Variants in WDR33 observed in about 807,000 individuals in gnomAD.
WDR33 encodes the protein WD repeat domain 33, also known as pre-mRNA 3' end processing protein WDR33.
Under a neutral mutation model 164.9 loss-of-function variants are expected in WDR33, and 47 were observed. The observed-to-expected ratio is 0.29, with a 90% confidence interval of 0.23 to 0.36. The LOEUF is 0.36. WDR33 is among the 10% of genes least tolerant of loss of function. The pLI, the probability that WDR33 is intolerant of heterozygous loss-of-function variation, is 1.00. For synonymous variants in WDR33, 505 were observed against 589.0 expected (o/e 0.86, Z 2.06); for missense variants, 1,137 against 1,754.1 (o/e 0.65, Z 6.28).
chr2:127,810,049 T>G (rs1453693659), intron 1 of WDR33, among the ~76,000 whole-genome samples: 1 of 137,696 alleles, frequency 7.3e-6, no homozygotes, highest in Non-Finnish European at 1.5e-5. Flanking sequence ...AGGCTATATA[T>G]ACATACACAC....
At chr2:127,789,722 C>T (rs1688777061) in intron 1 of WDR33, among the ~76,000 whole-genome samples, 1 of 151,428 alleles carries the variant, frequency 6.6e-6, no homozygotes, top group Admixed American at 6.6e-5. Flanking sequence ...TTGTACTGTT[C>T]CAAACTTTAG....
chr2:127,774,610 A>C (rs1337633010), intron 1 of WDR33, among the ~76,000 whole-genome samples: 1 of 152,138 alleles, frequency 6.6e-6, no homozygotes, highest in African/African-American at 2.4e-5. Context: ...CTGGCGGATC[A>C]CAAGGTCAGG....
chr2:127,774,296 C>A (rs1271618321), intron 1 of WDR33, among the ~76,000 whole-genome samples: 1 of 151,788 alleles, frequency 6.6e-6, no homozygotes, highest in Non-Finnish European at 1.5e-5. Context: ...GGATGATCCG[C>A]CCGCCTCAGT....
Position 127,724,935 on chromosome 2 carries a change from A to C in WDR33, c.1037T>G (p.Leu346Arg). 6.2e-7 allele frequency: 1 copy of C among 1,614,236 alleles called. No homozygotes were observed. Among genetic ancestry groups the C allele is most frequent in the Non-Finnish European group, 8.5e-7 (1 of 1,180,044 alleles). ...ACCATCAGACCCTCCACTGGCAAAA[A>C]GTCCTTCATGAACAGGATGCCAGGC... The part of the protein sequence containing the change: ...AVAWHPVHEG[L>R]FASGGSDGSL... The change falls in exon 10 of 22, where the codon CTT becomes CGT. Residue 346 changes from leucine (L) to arginine (R), a missense_variant. By Grantham distance (102) the Leu-to-Arg change is moderately radical. Around this residue, in one of 9 missense-constraint regions of WDR33, gnomAD observed 83 missense variants for 189.2 expected, o/e 0.44. Coordinates refer to ENST00000322313, the MANE Select transcript of WDR33 (RefSeq NM_018383.5). The surrounding 1 kb of genome is among the most constrained non-coding windows in gnomAD (Gnocchi z 4.8).
chr2:127,701,155 A>AGACGCAGTGAGGCCATAAGACATTTCC lies in WDR33; in HGVS notation c.*5141_*5167dup, dbSNP rs1685867932. On this transcript the variant is annotated 3_prime_UTR_variant, in exon 22 of 22. Coordinates refer to ENST00000322313, the MANE Select transcript of WDR33 (RefSeq NM_018383.5). ...ACTAGCACAATATCACCGCCACGGTAGACGCAGTGAGGCCATAAGACATTT... is the reference window on the plus strand; with the variant it reads ...ACTAGCACAATATCACCGCCACGGTAGACGCAGTGAGGCCATAAGACATTTCCGACGCAGTGAGGCCATAAGACATTT... The AGACGCAGTGAGGCCATAAGACATTTCC allele has an allele frequency of 5.9e-6, 1 of 169,444 alleles. No homozygotes were observed. Among genetic ancestry groups the AGACGCAGTGAGGCCATAAGACATTTCC allele is most frequent in the East Asian group, 1.6e-4 (1 of 6,150 alleles). The allele number at this position is 169,444 out of a possible 1,614,324, so 10.5% of individuals were successfully genotyped here. A position where few individuals can be genotyped will look rare whatever the true frequency, so the allele number is the denominator to read the frequency against.
chr2:127,736,625 G>A (rs369470774), intron 7 of WDR33: 1 of 985,244 alleles, frequency 1.0e-6, no homozygotes, highest in African/African-American at 1.7e-5. Flanking sequence ...GACCAACAAA[G>A]GCTGACCTAA....
chr2:127,778,539 T>C (rs1409429105), intron 1 of WDR33, among the ~76,000 whole-genome samples: 1 of 151,844 alleles, frequency 6.6e-6, no homozygotes, highest in Non-Finnish European at 1.5e-5. Context: ...ACACATTCTG[T>C]TCTCAAGAGT....
chr2:127,737,335 AAG>A, intron 7 of WDR33: 1 of 985,410 alleles, frequency 1.0e-6, no homozygotes, highest in Non-Finnish European at 1.2e-6. Context: ...CGCTGTAAGA[AAG>A]AGTACTCTGA....
rs974683636 is a variant in WDR33 at position 127,710,701 on chromosome 2, G to A, written c.3309-845C>T. On this transcript the variant is annotated intron_variant, in intron 18 of 21. Transcript: ENST00000322313. This position sits in a 1 kb window ranked among gnomAD's most constrained non-coding sequence, Gnocchi z 4.4. Reference sequence around the variant, plus strand: ...GAAGAGAAAGTGACCTTCTGGCAGCGCTCACTGAGAGGCGGTGGCGCCACC... The same window carrying A: ...GAAGAGAAAGTGACCTTCTGGCAGCACTCACTGAGAGGCGGTGGCGCCACC... Among the ~76,000 whole-genome samples the A allele has an allele frequency of 1.2e-4, 18 of 152,148 alleles. No homozygotes were observed. The highest frequency in any genetic ancestry group is 2.4e-4 in the Non-Finnish European group (16 of 68,034).
chr2:127,807,011 ATTTT>A (rs10716015), intron 1 of WDR33, among the ~76,000 whole-genome samples: 1 of 149,564 alleles, frequency 6.7e-6, no homozygotes, highest in Admixed American at 6.7e-5. Flanking sequence ...CATGTTTGAA[ATTTT>A]TTTTTTTAAG....
Position 127,719,179 on chromosome 2 carries a change from T to C in WDR33, c.2760+86A>G. 1.5e-6 allele frequency: 2 copies of C among 1,316,436 alleles called. No homozygotes were observed. The highest frequency in any genetic ancestry group is 5.8e-5 in the South Asian group (2 of 34,294). The allele number at this position is 1,316,436 out of a possible 1,614,324, so 81.5% of individuals were successfully genotyped here. A position where few individuals can be genotyped will look rare whatever the true frequency, so the allele number is the denominator to read the frequency against. On this transcript the variant is annotated intron_variant, in intron 16 of 21. Transcript: ENST00000322313. The surrounding 1 kb of genome is among the most constrained non-coding windows in gnomAD (Gnocchi z 6.5). ...CTTGATAAGTATTTATATCCAGCTG[T>C]GACCATTTTCCACAATACTCAGCAG...
intron 1 of WDR33, among the ~76,000 whole-genome samples, chr2:127,780,780 T>C (rs1337213630): frequency 2.0e-5 from 3 of 152,190 alleles, no homozygotes; most frequent in Non-Finnish European, 4.4e-5. Context: ...GAGACTGCAG[T>C]GAGCCATGAT....
intron 7 of WDR33, among the ~76,000 whole-genome samples, chr2:127,751,596 A>G (rs1046071883): frequency 6.6e-6 from 1 of 152,024 alleles, no homozygotes; most frequent in African/African-American, 2.4e-5. Context: ...CTTAAAAAAG[A>G]TACAAATGGA....
Position 127,721,793 on chromosome 2 carries a change from C to T in WDR33, c.1671+43G>A. On this transcript the variant is annotated intron_variant, in intron 15 of 21. Transcript: ENST00000322313. This position sits in a 1 kb window ranked among gnomAD's most constrained non-coding sequence, Gnocchi z 4.9. ...TATCAATAAAAATGTCACCACTACCCTCTTAGATCATCTTGAATTCCCCCC... is the reference window on the plus strand; with the variant it reads ...TATCAATAAAAATGTCACCACTACCTTCTTAGATCATCTTGAATTCCCCCC... 1 of 1,573,614 alleles carries T rather than the reference C, an allele frequency of 6.4e-7. No homozygotes were observed. The highest frequency in any genetic ancestry group is 8.6e-7 in the Non-Finnish European group (1 of 1,162,958).
chr2:127,759,675 A>G (rs1687621620), intron 7 of WDR33, among the ~76,000 whole-genome samples: 1 of 152,190 alleles, frequency 6.6e-6, no homozygotes, highest in Non-Finnish European at 1.5e-5. Context: ...TGGGCAACAG[A>G]GGAAGACTTG....
Position 127,768,915 on chromosome 2 carries a change from G to T in WDR33, c.273+18C>A. ...AAGGAAGTGTTTATTAAGCTAGTAT[G>T]ACACATCATGTACTTACATCATTGT... On this transcript the variant is annotated intron_variant, in intron 3 of 21. Transcript: ENST00000322313. The T allele has an allele frequency of 6.3e-7, 1 of 1,582,814 alleles. No homozygotes were observed. The highest frequency in any genetic ancestry group is 8.6e-7 in the Non-Finnish European group (1 of 1,160,064).
chr2:127,792,449 TCA>T (rs1688872001), intron 1 of WDR33, among the ~76,000 whole-genome samples: 1 of 150,754 alleles, frequency 6.6e-6, no homozygotes, highest in Non-Finnish European at 1.5e-5. Flanking sequence ...TCACTTGAGG[TCA>T]GAAGTTCGAG....
Position 127,701,878 on chromosome 2 carries a change from C to A in WDR33, c.*4445G>T. ...GCGCTGCTCTGGTCACTGGGCTCGG[C>A]GCTGGCGTTGGCGGGAAGCGCGCTG... On this transcript the variant is annotated 3_prime_UTR_variant, in exon 22 of 22. Transcript: ENST00000322313. 6.9e-7 allele frequency: 1 copy of A among 1,457,930 alleles called. No individual in the cohort carries two copies. Among genetic ancestry groups the A allele is most frequent in the Non-Finnish European group, 9.0e-7 (1 of 1,110,840 alleles). 90.3% of individuals were successfully genotyped at this position (1,457,930 alleles called of 1,614,324 possible).
At position 127,770,919 on chromosome 2, in the gene WDR33, T is replaced by G; in HGVS notation, c.63A>C (p.Ala21=). The G allele has an allele frequency of 6.2e-7, 1 of 1,614,104 alleles. No homozygotes were observed. Among genetic ancestry groups the G allele is most frequent in the Admixed American group, 1.7e-5 (1 of 60,012 alleles). ...FFHMPRFQHQ[A]PRQLFYKRPD... is the part of the protein sequence containing the mutation. ...GTCGCTTATAAAACAGCTGTCGAGG[T>G]GCCTGGTGCTGGAACCTTGGCATAT... The change falls in exon 2 of 22, where the codon GCA becomes GCC. Residue 21 remains alanine (A), a synonymous_variant. Transcript: ENST00000322313. This position sits in a 1 kb window ranked among gnomAD's most constrained non-coding sequence, Gnocchi z 4.9.
Sources: allele counts gnomAD v4.1 joint callset (sites outside exome capture counted in the v4.1 genomes callset), GRCh38; gene constraint gnomAD v4.1.1; regional missense constraint gnomAD v4.1.1; non-coding constraint Gnocchi (gnomAD v3.1); transcripts MANE v1.5; gene names NCBI Gene and HGNC (gene_info 2026-07-23, HGNC 2026-07-21).